The following DLG2 variants were observed in gnomAD, a reference collection of about 807,000 sequenced individuals.
DLG2 encodes discs large MAGUK scaffold protein 2.
In DLG2, 45 loss-of-function variants were observed where a neutral mutation model predicts 132.5. The ratio of observed to expected loss-of-function variants is 0.34; its 90% CI spans 0.27 to 0.44. The LOEUF (loss-of-function observed/expected upper bound fraction) is 0.44. DLG2 is among the 20% of genes least tolerant of loss of function. DLG2 has a pLI of 1.00. For missense variants in DLG2, 1,045 were observed against 1,196.9 expected, an observed-to-expected ratio of 0.87 and a Z score of 1.87; for synonymous variants, 424 against 419.6, an observed-to-expected ratio of 1.01 and a Z score of -0.13.
chr11:85,040,569 A>C (rs1294951206), intron 6 of DLG2, among the ~76,000 whole-genome samples: 1 of 151,930 alleles, frequency 6.6e-6, no homozygotes, highest in African/African-American at 2.4e-5. Context: ...TCCAGCTATA[A>C]GGTTTATTCA....
intron 7 of DLG2, among the ~76,000 whole-genome samples, chr11:84,468,468 C>T (rs1209996190): frequency 6.6e-6 from 1 of 151,504 alleles, no homozygotes; most frequent in Non-Finnish European, 1.5e-5. Context: ...AAACCTCCCA[C>T]ATGTATACCC....
chr11:84,732,793 C>A (rs978227417), intron 6 of DLG2, among the ~76,000 whole-genome samples: 5 of 150,648 alleles, frequency 3.3e-5, no homozygotes, highest in Admixed American at 3.3e-4. Flanking sequence ...TCCCTCCCCC[C>A]ACCCACCCCA....
chr11:85,538,509 T>C (rs2075756163), intron 3 of DLG2, among the ~76,000 whole-genome samples: 1 of 151,876 alleles, frequency 6.6e-6, no homozygotes. Flanking sequence ...CAAAGGAATA[T>C]AAATAATTAT....
intron 19 of DLG2, among the ~76,000 whole-genome samples, chr11:83,599,186 A>G (rs1184077730): frequency 6.6e-6 from 1 of 152,300 alleles, no homozygotes; most frequent in African/African-American, 2.4e-5. Flanking sequence ...ATGGCTCTCT[A>G]TGAACTACAG....
chr11:83,666,002 T>A (rs1455852732), intron 18 of DLG2, among the ~76,000 whole-genome samples: 11 of 152,172 alleles, frequency 7.2e-5, no homozygotes, highest in African/African-American at 2.7e-4. Flanking sequence ...CCCATGATTT[T>A]TTTTTACAAA....
At chr11:85,002,043 A>G (rs2058265037) in intron 6 of DLG2, among the ~76,000 whole-genome samples, 1 of 152,180 alleles carries the variant, frequency 6.6e-6, no homozygotes, top group Admixed American at 6.6e-5. Context: ...GGTGTTGCCC[A>G]AGCAACAGTG....
At position 83,962,938 on chromosome 11, in the gene DLG2, T is replaced by C. The variant is rs768133029; in HGVS notation, c.1287A>G (p.Pro429=). 6.2e-7 allele frequency: 1 copy of C among 1,613,266 alleles called. No homozygotes were observed. ...GCTTTGGAATTGGTGAGTACCTTCC[T>C]GGAGAGATGGGTGGCAGGGAGGTTT... ...EYKTSLPPIS[P]GRYSPIPKHM... Residue 429 remains proline (P), a synonymous_variant, in exon 14 of 28, where the codon CCA becomes CCG. Transcript: ENST00000376104.
chr11:84,341,753 G>C (rs796324152), intron 7 of DLG2, among the ~76,000 whole-genome samples: 1 of 152,352 alleles, frequency 6.6e-6, no homozygotes, highest in African/African-American at 2.4e-5. Context: ...TTGGGCATTG[G>C]TAGTGAAGTA....
At chr11:84,818,043 A>G (rs567288204) in intron 6 of DLG2, among the ~76,000 whole-genome samples, 1 of 152,146 alleles carries the variant, frequency 6.6e-6, no homozygotes, top group South Asian at 2.1e-4. Context: ...ATGAAAAAAT[A>G]AATACATCTT....
At chr11:83,820,816 T>A (rs2050573304) in intron 17 of DLG2, among the ~76,000 whole-genome samples, 1 of 152,184 alleles carries the variant, frequency 6.6e-6, no homozygotes, top group Non-Finnish European at 1.5e-5. Flanking sequence ...TATCTACTGA[T>A]CCATATTTAG....
chr11:85,426,373 C>A (rs2090739178), intron 3 of DLG2, among the ~76,000 whole-genome samples: 1 of 152,144 alleles, frequency 6.6e-6, no homozygotes, highest in Middle Eastern at 3.2e-3. Flanking sequence ...TGGGAGGCAC[C>A]CCCCAGTAGG....
chr11:85,027,974 A>C (rs1485593032), intron 6 of DLG2, among the ~76,000 whole-genome samples: 1 of 152,196 alleles, frequency 6.6e-6, no homozygotes, highest in Non-Finnish European at 1.5e-5. Context: ...GTTCTTGTCC[A>C]CATCCAGGTA....
chr11:85,317,177 G>C (rs1014904592), intron 3 of DLG2, among the ~76,000 whole-genome samples: 3 of 151,980 alleles, frequency 2.0e-5, no homozygotes, highest in Admixed American at 2.0e-4. Context: ...GAGGATCTGA[G>C]AGAAAGCCAG....
chr11:84,541,623 AGAGTC>A (rs2099371234), intron 6 of DLG2, among the ~76,000 whole-genome samples: 1 of 152,186 alleles, frequency 6.6e-6, no homozygotes, highest in Non-Finnish European at 1.5e-5. Context: ...GAGCAGAGGT[AGAGTC>A]ATGTTCATCT....
At chr11:84,610,776 T>C (rs2099594011) in intron 6 of DLG2, among the ~76,000 whole-genome samples, 1 of 152,060 alleles carries the variant, frequency 6.6e-6, no homozygotes, top group Admixed American at 6.6e-5. Context: ...CTTGAGGGTG[T>C]AGCACAGGCC....
chr11:83,936,148 T>C (rs1349674282), intron 14 of DLG2, among the ~76,000 whole-genome samples: 1 of 152,226 alleles, frequency 6.6e-6, no homozygotes, highest in East Asian at 1.9e-4. Flanking sequence ...ATCAGTCAGT[T>C]CACACGATAG....
chr11:85,321,798 G>C (rs548715396), intron 3 of DLG2, among the ~76,000 whole-genome samples: 1 of 152,140 alleles, frequency 6.6e-6, no homozygotes, highest in Admixed American at 6.5e-5. Flanking sequence ...ACACTGACAG[G>C]ATCTTCGCAG....
chr11:84,298,909 T>C (rs976442530), intron 7 of DLG2, among the ~76,000 whole-genome samples: 26 of 152,140 alleles, frequency 1.7e-4, no homozygotes, highest in African/African-American at 5.6e-4. Flanking sequence ...GAAATACAGA[T>C]TGGGGCCAAA....
rs538018850 is a variant in DLG2, at chr11:84,149,938, A to T, written c.624+13523T>A. Among the ~76,000 whole-genome samples, 3 of 152,106 alleles carry T rather than the reference A, an allele frequency of 2.0e-5. No individual in the cohort carries two copies. In the East Asian group the frequency reaches 5.8e-4, roughly 30 times the overall value. ...ATGCCTGGCTAATTTTTGTATGTTTAGTAGAGATGGGGTTTCACTATATTG... is the reference window on the plus strand; with the variant it reads ...ATGCCTGGCTAATTTTTGTATGTTTTGTAGAGATGGGGTTTCACTATATTG... On this transcript the variant is annotated intron_variant, in intron 9 of 27. Coordinates refer to ENST00000376104, the MANE Select transcript of DLG2 (RefSeq NM_001142699.3).
Sources: gnomAD v4.1 joint callset for allele counts (sites outside exome capture counted in the v4.1 genomes callset) on GRCh38, gnomAD v4.1.1 for gene constraint, MANE v1.5 for transcripts, NCBI Gene and HGNC (gene_info 2026-07-23, HGNC 2026-07-21) for gene names.